Variants in VIT observed in about 807,000 individuals in gnomAD.
VIT encodes the protein vitrin.
In VIT, 99 loss-of-function variants were observed where a neutral mutation model predicts 78.0. The observed-to-expected ratio is 1.27, with a 90% CI of 1.08 to 1.50. VIT has a LOEUF of 1.50. Among genes scored for constraint, VIT ranks in the 40% most tolerant of loss-of-function variants. The probability of loss-of-function intolerance (pLI) is 0.00; values close to 1 mark genes in which losing one functional copy is unlikely to be tolerated. For missense variants in VIT, 1,126 were observed against 875.3 expected, an observed-to-expected ratio of 1.29 and a Z score of -3.61; for synonymous variants, 374 against 334.3, an observed-to-expected ratio of 1.12 and a Z score of -1.29.
intron 12 of VIT, among the ~76,000 whole-genome samples, chr2:36,790,161 CT>C: frequency 6.6e-6 from 1 of 152,318 alleles, no homozygotes; most frequent in East Asian, 1.9e-4. Flanking sequence ...CACATCTTGA[CT>C]CCTCAATCTC....
rs1163991672 is a variant in VIT at position 36,804,068 on chromosome 2, C to T, written c.1163-1370C>T. ...GCAAACTGAGACAATTGGTCATTGT[C>T]TAGTTGACTCTGAAAATTTCCTGAA... On this transcript the variant is annotated intron_variant, in intron 13 of 15. Coordinates refer to ENST00000379242, the MANE Select transcript of VIT (RefSeq NM_053276.4). Among the ~76,000 whole-genome samples, 4 of 152,194 alleles carry T rather than the reference C, an allele frequency of 2.6e-5. No homozygotes were observed. In the East Asian group the frequency reaches 5.8e-4, roughly 22 times the overall value.
intron 6 of VIT, chr2:36,759,409 T>C (rs896691262): frequency 7.6e-7 from 1 of 1,318,694 alleles, no homozygotes; most frequent in Non-Finnish European, 9.7e-7. Flanking sequence ...TACTTAGATA[T>C]GAAATGAAGA....
At chr2:36,698,670 G>A (rs1488322426) in intron 1 of VIT, among the ~76,000 whole-genome samples, 8 of 152,258 alleles carry the variant, frequency 5.3e-5, no homozygotes, top group East Asian at 1.9e-4. Flanking sequence ...TTGGCCTGGC[G>A]CAGTGGCTCA....
intron 6 of VIT, among the ~76,000 whole-genome samples, chr2:36,762,477 A>T (rs549184077): frequency 6.6e-6 from 1 of 152,280 alleles, no homozygotes; most frequent in South Asian, 2.1e-4. Flanking sequence ...CCAGCATTCC[A>T]ACATAAAAGG....
At chr2:36,803,163 C>A (rs1184154813) in intron 13 of VIT, among the ~76,000 whole-genome samples, 2 of 152,186 alleles carry the variant, frequency 1.3e-5, no homozygotes, top group African/African-American at 4.8e-5. Context: ...CGCCCCAAAC[C>A]ACTGCAGCTA....
At chr2:36,758,505 T>C (rs1467192004) in intron 5 of VIT, among the ~76,000 whole-genome samples, 1 of 152,230 alleles carries the variant, frequency 6.6e-6, no homozygotes, top group Non-Finnish European at 1.5e-5. Flanking sequence ...GGTTGACCTA[T>C]ATTTACCTAC....
chr2:36,735,681 A>G (rs1184578845), intron 3 of VIT, among the ~76,000 whole-genome samples: 1 of 152,188 alleles, frequency 6.6e-6, no homozygotes, highest in Non-Finnish European at 1.5e-5. Context: ...GTGCTTCTCA[A>G]AGCAGCTGCT....
chr2:36,727,367 C>T (rs1236991644), intron 2 of VIT, among the ~76,000 whole-genome samples: 2 of 152,194 alleles, frequency 1.3e-5, no homozygotes, highest in Non-Finnish European at 2.9e-5. Flanking sequence ...CATGCACATG[C>T]AGTTCTCTGG....
At chr2:36,743,043 C>T (rs933493438) in intron 3 of VIT, 57 bp from the exon 4 acceptor site, 3 of 1,600,728 alleles carry the variant, frequency 1.9e-6, no homozygotes, top group Admixed American at 3.4e-5. Flanking sequence ...AACAGTGTCA[C>T]CCCACAGATA....
chr2:36,802,720 C>T (rs572120615), intron 13 of VIT, among the ~76,000 whole-genome samples: 3 of 152,286 alleles, frequency 2.0e-5, no homozygotes, highest in East Asian at 1.9e-4. Flanking sequence ...ACGAGGTTAG[C>T]GATGGGTCTC....
chr2:36,767,002 G>T, intron 6 of VIT, 92 bp from the exon 7 acceptor site: 1 of 1,359,866 alleles, frequency 7.4e-7, no homozygotes, highest in Non-Finnish European at 9.6e-7. Flanking sequence ...TGTGCTCATA[G>T]CTAGTGTTCA....
rs186346363 is a variant in VIT, at chr2:36,769,673, A to T, written c.679+2388A>T. 8.5e-4 allele frequency among the ~76,000 whole-genome samples: 129 copies of T among 152,374 alleles called. 1 individual carries two copies. The highest frequency in any genetic ancestry group is 6.5e-3 in the Admixed American group (100 of 15,302). ...TAATTGCTTATGTCTTCTTAAAATA[A>T]AAGTATTCATGAGAGACTTTCCAGA... On this transcript the variant is annotated intron_variant, in intron 7 of 15. Coordinates refer to ENST00000379242, the MANE Select transcript of VIT (RefSeq NM_053276.4).
chr2:36,805,523 G>C lies in VIT; in HGVS notation c.1248G>C (p.Met416Ile). The C allele has an allele frequency of 6.2e-7, 1 of 1,614,104 alleles. No homozygotes were observed. Residue 416 changes from methionine to isoleucine, a missense_variant, in exon 14 of 16, where the codon ATG (methionine) becomes ATC (isoleucine). Transcript: ENST00000379242. Reference protein sequence around the residue: ...RSGAPNVVVVMVDGWPTDKVE... With the variant: ...RSGAPNVVVVIVDGWPTDKVE... Reference sequence around the variant, plus strand: ...GGGCTCCCAATGTGGTGGTGGTGATGGTGGATGGCTGGCCCACGGACAAAG... The same window carrying C: ...GGGCTCCCAATGTGGTGGTGGTGATCGTGGATGGCTGGCCCACGGACAAAG...
chr2:36,722,415 T>A (rs1666571989), intron 2 of VIT, among the ~76,000 whole-genome samples: 1 of 152,250 alleles, frequency 6.6e-6, no homozygotes, highest in Admixed American at 6.5e-5. Flanking sequence ...TAGCTTTAAA[T>A]ATCCTATGAT....
At position 36,796,209 on chromosome 2, in the gene VIT, C is replaced by G. The variant is rs564546691; in HGVS notation, c.1059-5092C>G. ...ATCCAAATTCAGGAAAATGGTAAAC[C>G]CTTCTCAGCTAATATCTTATTATAA... is the stretch of plus-strand genomic sequence containing the variant. On this transcript the variant is annotated intron_variant, in intron 12 of 15. Transcript: ENST00000379242. Among the ~76,000 whole-genome samples, 10 of 151,738 alleles carry G rather than the reference C, an allele frequency of 6.6e-5. 1 individual carries two copies. In the South Asian group the frequency reaches 2.1e-3, roughly 32 times the overall value.
intron 12 of VIT, among the ~76,000 whole-genome samples, chr2:36,798,079 G>C (rs776843618): frequency 6.6e-6 from 1 of 152,192 alleles, no homozygotes; most frequent in South Asian, 2.1e-4. Flanking sequence ...TCCTAAAAAA[G>C]AGAGTGAAAG....
At chr2:36,703,336 C>A (rs1279551925) in intron 1 of VIT, among the ~76,000 whole-genome samples, 4 of 152,086 alleles carry the variant, frequency 2.6e-5, no homozygotes, top group Non-Finnish European at 4.4e-5. Flanking sequence ...GCAGGTGGCT[C>A]CCCTACCCCC....
intron 1 of VIT, among the ~76,000 whole-genome samples, chr2:36,711,634 C>G (rs753051200): frequency 6.6e-6 from 1 of 152,190 alleles, no homozygotes; most frequent in Non-Finnish European, 1.5e-5. Flanking sequence ...AAACGTGTAT[C>G]GTTGTGCCCA....
Position 36,790,909 on chromosome 2 carries a change from A to T in VIT, c.1058+3633A>T, listed in dbSNP as rs982080351. 0.042 allele frequency among the ~76,000 whole-genome samples: 3 copies of T among 72 alleles called. No individual in the cohort carries two copies. The South Asian group carries it at 0.5, about 12-fold the overall frequency. The allele number at this position is 72 out of a possible 152,430, so 0.0% of individuals were successfully genotyped here. ...CAGGAACACGGAAAGAGTCAATGAA[A>T]GAACAGCCAGGCAAGCCATTAGGTG... On this transcript the variant is annotated intron_variant, in intron 12 of 15. Coordinates refer to ENST00000379242, the MANE Select transcript of VIT (RefSeq NM_053276.4).
Sources: allele counts gnomAD v4.1 joint callset (sites outside exome capture counted in the v4.1 genomes callset), GRCh38; gene constraint gnomAD v4.1.1; transcripts MANE v1.5; gene names NCBI Gene and HGNC (gene_info 2026-07-23, HGNC 2026-07-21).